The following MICU3 variants were observed in gnomAD, a reference collection of about 807,000 sequenced individuals.
The protein encoded by MICU3 is mitochondrial calcium uptake 3.
In MICU3, 62 loss-of-function variants were observed where a neutral mutation model predicts 66.5. The observed-to-expected ratio is 0.93, with a 90% CI of 0.76 to 1.15. The LOEUF (loss-of-function observed/expected upper bound fraction) is 1.15, where lower values mean the gene tolerates loss of function less well. MICU3 is among the 50% of genes most tolerant of loss of function. The pLI is 0.00. For synonymous variants in MICU3, 308 were observed against 240.7 expected (o/e 1.28, Z -2.59); for missense variants, 779 against 664.4 (o/e 1.17, Z -1.90).
chr8:17,105,383 T>G lies in MICU3; in HGVS notation c.1086-30T>G, dbSNP rs1478778509. 11 of 1,359,394 alleles carry G rather than the reference T, an allele frequency of 8.1e-6. No individual in the cohort carries two copies. In the Admixed American group the frequency reaches 2.6e-4, roughly 32 times the overall value. 84.2% of individuals were successfully genotyped at this position (1,359,394 alleles called of 1,614,324 possible). On this transcript the variant is annotated intron_variant, in intron 10 of 14. Transcript: ENST00000318063. ...TGTTACGATTACTCTTTCTTTATCT[T>G]TTTCCTTCTTTATTACATTTTTGTC...
the MICU3 span, among the ~76,000 whole-genome samples, chr8:17,137,521 T>TAAAA: frequency 4.2e-4 from 57 of 134,612 alleles, no homozygotes; most frequent in African/African-American, 1.5e-3. Flanking sequence ...TGCTTTTTTT[T>TAAAA]AAAAAAAAAA....
At chr8:17,126,740 A>T (rs981885418), downstream of MICU3, among the ~76,000 whole-genome samples, 1 of 152,216 alleles carries the variant, frequency 6.6e-6, no homozygotes, top group African/African-American at 2.4e-5. Context: ...CTACTTCTTG[A>T]AGTGGGAAGA....
At chr8:17,030,882 C>T (rs1811910682) in intron 1 of MICU3, among the ~76,000 whole-genome samples, 1 of 152,140 alleles carries the variant, frequency 6.6e-6, no homozygotes, top group South Asian at 2.1e-4. Context: ...AGTCAATTAT[C>T]ACTCCTCCAT....
In MICU3 at chr8:17,050,244, A is replaced by T. The variant is rs559652536; in HGVS notation, c.382-13840A>T. On this transcript the variant is annotated intron_variant, in intron 1 of 14. Transcript: ENST00000318063. ...GTAGTAAGTAATGAGCAGTTTTCTTACAAGTGCTGTATCCCTGAACAATAT... is the reference window on the plus strand; with the variant it reads ...GTAGTAAGTAATGAGCAGTTTTCTTTCAAGTGCTGTATCCCTGAACAATAT... 3.3e-5 allele frequency among the ~76,000 whole-genome samples: 5 copies of T among 152,244 alleles called. No homozygotes were observed. The East Asian group carries it at 9.6e-4, about 29-fold the overall frequency.
chr8:17,115,690 T>TA (rs1030700374), intron 12 of MICU3, among the ~76,000 whole-genome samples: 1 of 152,168 alleles, frequency 6.6e-6, no homozygotes, highest in African/African-American at 2.4e-5. Context: ...TAATCTTTCT[T>TA]AAAAAATTAA....
At chr8:17,062,310 C>G (rs1817956162) in intron 1 of MICU3, among the ~76,000 whole-genome samples, 2 of 152,156 alleles carry the variant, frequency 1.3e-5, no homozygotes, top group South Asian at 4.1e-4. Context: ...CATTCCGTTT[C>G]TCTGTTTGTG....
intron 11 of MICU3, among the ~76,000 whole-genome samples, chr8:17,111,950 T>A (rs1802238663): frequency 1.3e-5 from 2 of 152,232 alleles, no homozygotes; most frequent in African/African-American, 4.8e-5. Flanking sequence ...AAGAAGCAAG[T>A]ACCTTCATCA....
intron 1 of MICU3, among the ~76,000 whole-genome samples, chr8:17,030,173 G>T (rs1488575213): frequency 6.6e-6 from 1 of 151,996 alleles, no homozygotes; most frequent in African/African-American, 2.4e-5. Flanking sequence ...TGCCTTCTAA[G>T]GATATAAATT....
intron 14 of MICU3, among the ~76,000 whole-genome samples, chr8:17,119,534 T>TAGATAGAC (rs1350876872): frequency 5.8e-4 from 48 of 82,248 alleles, no homozygotes; most frequent in Middle Eastern, 7.6e-3. Context: ...GCTTGAAGCA[T>TAGATAGAC]AGATAGATAG....
intron 9 of MICU3, among the ~76,000 whole-genome samples, chr8:17,104,179 A>G (rs1801523359): frequency 6.6e-6 from 1 of 151,918 alleles, no homozygotes; most frequent in Non-Finnish European, 1.5e-5. Flanking sequence ...GAGTACAATG[A>G]TCAGTTCCAT....
At position 17,120,750 on chromosome 8, in the gene MICU3, A is replaced by G. The variant is rs1265788523; in HGVS notation, c.*463A>G. On this transcript the variant is annotated 3_prime_UTR_variant, in exon 15 of 15. Transcript: ENST00000318063. ...CAGAGATGAATATTGCTTGAGATTT[A>G]TAATACCCTTAGAATTAAATTCCTG... 1 of 152,454 alleles carries G rather than the reference A, an allele frequency of 6.6e-6. No homozygotes were observed. The highest frequency in any genetic ancestry group is 6.6e-5 in the Admixed American group (1 of 15,240). 9.4% of individuals were successfully genotyped at this position (152,454 alleles called of 1,614,324 possible). A position where few individuals can be genotyped will look rare whatever the true frequency, so the allele number is the denominator to read the frequency against.
At chr8:17,056,399 G>C (rs1242054503) in intron 1 of MICU3, among the ~76,000 whole-genome samples, 1 of 152,130 alleles carries the variant, frequency 6.6e-6, no homozygotes, top group African/African-American at 2.4e-5. Flanking sequence ...TTCCTGTCTG[G>C]CTTCTTGTTC....
chr8:17,125,024 T>C (rs1451872041), downstream of MICU3, among the ~76,000 whole-genome samples: 1 of 152,082 alleles, frequency 6.6e-6, no homozygotes, highest in Non-Finnish European at 1.5e-5. Flanking sequence ...GGCATTCATT[T>C]CTGGAAAAAA....
Position 17,043,228 on chromosome 8 carries a change from C to T in MICU3, c.381+15568C>T, listed in dbSNP as rs537558590. Among the ~76,000 whole-genome samples, 74 of 152,180 alleles carry T rather than the reference C, an allele frequency of 4.9e-4. 1 individual carries two copies. Among genetic ancestry groups the T allele is most frequent in the African/African-American group, 1.6e-3 (66 of 41,516 alleles). Reference sequence around the variant, plus strand: ...GGCTGGGATTACAGGCGTGAGCCACCGCGCCCGGCCTCAAAGTGATTTTTT... The same window carrying T: ...GGCTGGGATTACAGGCGTGAGCCACTGCGCCCGGCCTCAAAGTGATTTTTT... On this transcript the variant is annotated intron_variant, in intron 1 of 14. Coordinates refer to ENST00000318063, the MANE Select transcript of MICU3 (RefSeq NM_181723.3).
intron 1 of MICU3, among the ~76,000 whole-genome samples, chr8:17,044,184 C>T (rs1015894969): frequency 2.0e-5 from 3 of 152,230 alleles, no homozygotes; most frequent in Admixed American, 1.3e-4. Flanking sequence ...CATTGATGTT[C>T]AGTAGAGTGG....
At chr8:17,043,572 T>G (rs1814575684) in intron 1 of MICU3, among the ~76,000 whole-genome samples, 1 of 152,220 alleles carries the variant, frequency 6.6e-6, no homozygotes, top group Non-Finnish European at 1.5e-5. Context: ...CATTACTTCC[T>G]TTCTGGACTC....
At chr8:17,090,013 C>G (rs1007810033) in intron 7 of MICU3, among the ~76,000 whole-genome samples, 5 of 152,084 alleles carry the variant, frequency 3.3e-5, no homozygotes, top group African/African-American at 1.2e-4. Context: ...ATGCTATACT[C>G]ATTGTTAATG....
downstream of MICU3, among the ~76,000 whole-genome samples, chr8:17,127,132 A>G (rs188524014): frequency 6.6e-6 from 1 of 152,330 alleles, no homozygotes; most frequent in East Asian, 1.9e-4. Flanking sequence ...TGTATGCTAT[A>G]TCATGCTTTT....
At chr8:17,042,083 G>GT (rs1814229419) in intron 1 of MICU3, among the ~76,000 whole-genome samples, 1 of 152,134 alleles carries the variant, frequency 6.6e-6, no homozygotes, top group Non-Finnish European at 1.5e-5. Context: ...ATGAAATGCA[G>GT]TTTTTTCATG....
Sources: allele counts gnomAD v4.1 joint callset (sites outside exome capture counted in the v4.1 genomes callset), GRCh38; gene constraint gnomAD v4.1.1; transcripts MANE v1.5; gene names NCBI Gene and HGNC (gene_info 2026-07-23, HGNC 2026-07-21).